OLFM3: variants seen among roughly 807,000 people sequenced by gnomAD.
OLFM3 encodes the protein noelin-3.
A neutral mutation model predicts 48.6 loss-of-function variants in OLFM3; 20 were observed. The ratio of observed to expected loss-of-function variants is 0.41; its 90% CI spans 0.29 to 0.60. OLFM3 has a LOEUF of 0.60. Ranked by LOEUF, OLFM3 falls within the 20% of genes least tolerant of loss-of-function variation. The probability of loss-of-function intolerance (pLI) is 0.28; values close to 1 mark genes in which losing one functional copy is unlikely to be tolerated. For missense variants in OLFM3, 437 were observed against 544.3 expected (o/e 0.80, Z 1.96); for synonymous variants, 222 against 198.1 (o/e 1.12, Z -1.01).
At chr1:101,973,420 T>TCGCTAGGCCGAATGAAGGC in intron 1 of OLFM3, among the ~76,000 whole-genome samples, 1 of 152,216 alleles carries the variant, frequency 6.6e-6, no homozygotes, top group East Asian at 1.9e-4. Flanking sequence ...CGAGGCTCAC[T>TCGCTAGGCCGAATGAAGGC]CGCGTTGTCC....
chr1:101,809,759 A>C lies in OLFM3; in HGVS notation c.593-3577T>G, dbSNP rs187269813. Among the ~76,000 whole-genome samples, 981 of 152,032 alleles carry C rather than the reference A, an allele frequency of 6.5e-3. 8 individuals carry two copies. The highest frequency in any genetic ancestry group is 0.019 in the African/African-American group (779 of 41,530). ...GTAATGCAGAGGCATTTATTGATGT[A>C]TACAAAATAATTCACTTGAATTTAA... is the stretch of plus-strand genomic sequence containing the variant. On this transcript the variant is annotated intron_variant, in intron 4 of 5. Transcript: ENST00000370103.
chr1:101,911,454 G>GA (rs1320362315), intron 1 of OLFM3, among the ~76,000 whole-genome samples: 4 of 152,226 alleles, frequency 2.6e-5, no homozygotes, highest in African/African-American at 7.2e-5. Context: ...TAGAAAGTAA[G>GA]AAAGGGACTT....
At chr1:101,921,392 A>G (rs2101038418) in intron 1 of OLFM3, among the ~76,000 whole-genome samples, 1 of 152,318 alleles carries the variant, frequency 6.6e-6, no homozygotes, top group African/African-American at 2.4e-5. Flanking sequence ...ATTTTGAAAA[A>G]CAGAGGCTGC....
At chr1:101,955,029 G>A (rs1460286352) in intron 1 of OLFM3, among the ~76,000 whole-genome samples, 1 of 152,012 alleles carries the variant, frequency 6.6e-6, no homozygotes, top group Non-Finnish European at 1.5e-5. Context: ...TTCATTATGA[G>A]GCTATTTCAG....
At chr1:101,957,194 G>A (rs950599810) in intron 1 of OLFM3, among the ~76,000 whole-genome samples, 1 of 151,926 alleles carries the variant, frequency 6.6e-6, no homozygotes, top group Admixed American at 6.6e-5. Flanking sequence ...CATTTGGGAA[G>A]GGCTATGATG....
intron 1 of OLFM3, among the ~76,000 whole-genome samples, chr1:101,937,729 A>G (rs569854118): frequency 6.6e-6 from 1 of 152,294 alleles, no homozygotes; most frequent in African/African-American, 2.4e-5. Context: ...AAATAAACTA[A>G]TACATCAGAT....
intron 4 of OLFM3, among the ~76,000 whole-genome samples, chr1:101,808,421 G>A (rs968014865): frequency 4.6e-5 from 7 of 151,724 alleles, no homozygotes; most frequent in Admixed American, 4.6e-4. Context: ...GAGACCCGAG[G>A]AGGGAGATGA....
chr1:101,923,430 A>G (rs1235172152), intron 1 of OLFM3, among the ~76,000 whole-genome samples: 1 of 152,198 alleles, frequency 6.6e-6, no homozygotes, highest in Non-Finnish European at 1.5e-5. Context: ...GGGGAATCTA[A>G]AACACTTCAG....
intron 1 of OLFM3, among the ~76,000 whole-genome samples, chr1:101,899,998 G>T (rs537378802): frequency 2.6e-5 from 4 of 152,228 alleles, no homozygotes; most frequent in African/African-American, 9.6e-5. Flanking sequence ...TATAGGTAAG[G>T]TAGTGGAAGT....
chr1:101,825,798 CT>C (rs1654834984), intron 3 of OLFM3, among the ~76,000 whole-genome samples: 1 of 152,104 alleles, frequency 6.6e-6, no homozygotes, highest in Non-Finnish European at 1.5e-5. Context: ...CATCAACCAA[CT>C]TTGTTTTTCC....
At chr1:101,830,853 C>CA in intron 2 of OLFM3, 26 bp from the exon 3 acceptor site, 1 of 1,599,964 alleles carries the variant, frequency 6.3e-7, no homozygotes, top group East Asian at 2.2e-5. Context: ...ATTGTCTGTA[C>CA]ATTATTATCT....
At chr1:101,817,608 G>T (rs1654399327) in intron 4 of OLFM3, among the ~76,000 whole-genome samples, 1 of 151,826 alleles carries the variant, frequency 6.6e-6, no homozygotes, top group African/African-American at 2.4e-5. Flanking sequence ...TCTTTTATTT[G>T]TTTACATATA....
At chr1:101,838,590 G>T (rs1401255438) in intron 1 of OLFM3, among the ~76,000 whole-genome samples, 2 of 152,086 alleles carry the variant, frequency 1.3e-5, no homozygotes, top group Non-Finnish European at 2.9e-5. Context: ...AAACTTGATG[G>T]TTTTATTTTT....
intron 1 of OLFM3, among the ~76,000 whole-genome samples, chr1:101,949,996 C>A (rs1481675987): frequency 1.4e-5 from 2 of 144,096 alleles, no homozygotes; most frequent in Admixed American, 7.0e-5. Flanking sequence ...CCACTGCACT[C>A]CAGCCTGGGC....
At chr1:101,851,047 T>C (rs1406579459) in intron 1 of OLFM3, among the ~76,000 whole-genome samples, 2 of 151,998 alleles carry the variant, frequency 1.3e-5, no homozygotes, top group African/African-American at 2.4e-5. Flanking sequence ...GCAAGTTAAG[T>C]AGGAAAAATA....
chr1:101,933,837 G>A lies in OLFM3; in HGVS notation c.69+62911C>T, dbSNP rs115332636. 3.1e-3 allele frequency among the ~76,000 whole-genome samples: 468 copies of A among 152,184 alleles called. 4 individuals carry two copies. Among genetic ancestry groups the A allele is most frequent in the African/African-American group, 9.4e-3 (392 of 41,536 alleles). On this transcript the variant is annotated intron_variant, in intron 1 of 5. Transcript: ENST00000370103. ...GCATTCTTAAAGAAAAAAAAAATCCGAAGAAGAATTTTGTATCAGGCCAAA... is the reference window on the plus strand; with the variant it reads ...GCATTCTTAAAGAAAAAAAAAATCCAAAGAAGAATTTTGTATCAGGCCAAA...
At chr1:101,862,394 G>A (rs1656694019) in intron 1 of OLFM3, among the ~76,000 whole-genome samples, 1 of 152,296 alleles carries the variant, frequency 6.6e-6, no homozygotes, top group South Asian at 2.1e-4. Context: ...CAAATAAAAT[G>A]AAGCAATGTA....
At chr1:101,950,762 A>G (rs1660121692) in intron 1 of OLFM3, among the ~76,000 whole-genome samples, 1 of 152,030 alleles carries the variant, frequency 6.6e-6, no homozygotes, top group Non-Finnish European at 1.5e-5. Flanking sequence ...ATTTTTAAAA[A>G]TTTACTATCT....
intron 4 of OLFM3, chr1:101,812,612 T>G (rs1193891178): frequency 3.2e-5 from 32 of 985,676 alleles, no homozygotes; most frequent in Non-Finnish European, 3.6e-5. Flanking sequence ...CCACAGCACA[T>G]CACTGGCTTG....
Sources: allele counts gnomAD v4.1 joint callset (sites outside exome capture counted in the v4.1 genomes callset), GRCh38; gene constraint gnomAD v4.1.1; transcripts MANE v1.5; gene names NCBI Gene and HGNC (gene_info 2026-07-23, HGNC 2026-07-21).